Variants in ATP2B2 observed in about 807,000 individuals in gnomAD.
The protein encoded by ATP2B2 is plasma membrane calcium-transporting ATPase 2.
Under a neutral mutation model 120.0 loss-of-function variants are expected in ATP2B2, and 15 were observed. The ratio of observed to expected loss-of-function variants is 0.12; its 90% CI spans 0.08 to 0.19. ATP2B2 has a LOEUF of 0.19. Ranked by LOEUF, ATP2B2 falls within the 10% of genes least tolerant of loss-of-function variation. The probability of loss-of-function intolerance (pLI) is 1.00; values close to 1 mark genes in which losing one functional copy is unlikely to be tolerated. For synonymous variants in ATP2B2, 694 were observed against 700.3 expected (o/e 0.99, Z 0.14); for missense variants, 1,045 against 1,719.8 (o/e 0.61, Z 6.94).
intron 1 of ATP2B2, among the ~76,000 whole-genome samples, chr3:10,686,961 TG>T (rs1428137337): frequency 1.3e-5 from 2 of 152,216 alleles, no homozygotes; most frequent in African/African-American, 4.8e-5. Context: ...AAGAGGAGTC[TG>T]GGATATTAGA....
At chr3:10,633,102 C>T (rs552759837) in intron 1 of ATP2B2, among the ~76,000 whole-genome samples, 34 of 152,188 alleles carry the variant, frequency 2.2e-4, no homozygotes, top group Non-Finnish European at 4.9e-4. Context: ...GCCATGTGGG[C>T]CTGGGAGTGG....
chr3:10,346,191 T>TG lies in ATP2B2; in HGVS notation c.2405-55dup. On this transcript the variant is annotated intron_variant, in intron 16 of 22. Coordinates refer to ENST00000360273, the MANE Select transcript of ATP2B2 (RefSeq NM_001001331.4). The surrounding 1 kb of genome is among the most constrained non-coding windows in gnomAD (Gnocchi z 4.1). Reference sequence around the variant, plus strand: ...TGGGCCACTCAGGTGGGAGGCAGCCTGGGCCAGCCCTGGTCCTCGGGAGGG... The same window carrying TG: ...TGGGCCACTCAGGTGGGAGGCAGCCTGGGGCCAGCCCTGGTCCTCGGGAGGG... The TG allele has an allele frequency of 6.3e-7, 1 of 1,575,728 alleles. No homozygotes were observed. Among genetic ancestry groups the TG allele is most frequent in the Non-Finnish European group, 8.7e-7 (1 of 1,155,892 alleles).
intron 2 of ATP2B2, among the ~76,000 whole-genome samples, chr3:10,423,292 A>G (rs1006456148): frequency 6.6e-6 from 1 of 152,156 alleles, no homozygotes; most frequent in Non-Finnish European, 1.5e-5. Context: ...TCCGGTGGCC[A>G]GCCTCTCTTA....
At chr3:10,366,879 T>G (rs540151128) in intron 12 of ATP2B2, among the ~76,000 whole-genome samples, 2 of 152,314 alleles carry the variant, frequency 1.3e-5, no homozygotes, top group Non-Finnish European at 2.9e-5. Flanking sequence ...AATTTCTGAC[T>G]AAAAGATGAT....
chr3:10,695,608 T>A (rs1402357818), intron 1 of ATP2B2, among the ~76,000 whole-genome samples: 1 of 151,946 alleles, frequency 6.6e-6, no homozygotes, highest in East Asian at 1.9e-4. Flanking sequence ...ACAACTGAGG[T>A]CATCCCAGAC....
chr3:10,627,990 A>C (rs1344577402), intron 1 of ATP2B2, among the ~76,000 whole-genome samples: 1 of 152,262 alleles, frequency 6.6e-6, no homozygotes, highest in African/African-American at 2.4e-5. Context: ...GAAGCTATGC[A>C]GGTGGGGAGC....
chr3:10,491,136 A>G (rs867534117), intron 1 of ATP2B2, among the ~76,000 whole-genome samples: 6 of 151,526 alleles, frequency 4.0e-5, no homozygotes, highest in African/African-American at 1.5e-4. Flanking sequence ...CTACTGTGGC[A>G]CACCTTCCAC....
intron 3 of ATP2B2, among the ~76,000 whole-genome samples, chr3:10,519,960 G>A (rs1036428713): frequency 4.6e-5 from 7 of 152,318 alleles, no homozygotes; most frequent in African/African-American, 1.4e-4. Context: ...GGTGGGTGCA[G>A]GGACATCTGA....
intron 3 of ATP2B2, among the ~76,000 whole-genome samples, chr3:10,405,063 C>G (rs2062363484): frequency 6.6e-6 from 1 of 152,190 alleles, no homozygotes; most frequent in African/African-American, 2.4e-5. Flanking sequence ...TCAAGTCCAA[C>G]CTCTGCTGTG....
intron 1 of ATP2B2, among the ~76,000 whole-genome samples, chr3:10,691,103 A>T (rs1390220671): frequency 6.6e-6 from 1 of 152,226 alleles, no homozygotes; most frequent in African/African-American, 2.4e-5. Context: ...TTCTTTTAAA[A>T]CAGGAATGGA....
intron 12 of ATP2B2, among the ~76,000 whole-genome samples, chr3:10,369,951 G>C (rs2061177431): frequency 6.6e-6 from 1 of 152,180 alleles, no homozygotes; most frequent in South Asian, 2.1e-4. Context: ...AGGTATCTAT[G>C]ATGCCAGGGT....
Position 10,645,015 on chromosome 3 carries a change from A to C in ATP2B2, c.-459-25054T>G, listed in dbSNP as rs565615123. On this transcript the variant is annotated intron_variant, in intron 1 of 21. Coordinates refer to the ATP2B2 transcript ENST00000646379. ...TCTCTTCTTAGGTAATATACCATGA[A>C]GGATTTATGGGTTAAGGCGTATGTT... 1.8e-4 allele frequency among the ~76,000 whole-genome samples: 27 copies of C among 152,308 alleles called. No individual in the cohort carries two copies. In the East Asian group the frequency reaches 2.7e-3, roughly 15 times the overall value.
rs1575459948 is a variant in ATP2B2 at position 10,526,404 on chromosome 3, C to G, written c.-320+7635G>C. 2.0e-5 allele frequency among the ~76,000 whole-genome samples: 3 copies of G among 152,320 alleles called. No homozygotes were observed. The South Asian group carries it at 6.2e-4, about 32-fold the overall frequency. ...AAGGAGTTCCTTGGGGTGCAAGGAG[C>G]TTGAGGAGCTCTGCAGTTCCCTGAC... On this transcript the variant is annotated intron_variant, in intron 3 of 21. Transcript: ENST00000646379.
At chr3:10,478,919 G>A (rs1215419283) in intron 1 of ATP2B2, among the ~76,000 whole-genome samples, 1 of 152,068 alleles carries the variant, frequency 6.6e-6, no homozygotes, top group African/African-American at 2.4e-5. Flanking sequence ...TCATGATAGT[G>A]AGTGAGTTCT....
At chr3:10,585,761 A>G (rs1227553543) in intron 2 of ATP2B2, among the ~76,000 whole-genome samples, 2 of 152,082 alleles carry the variant, frequency 1.3e-5, no homozygotes, top group Non-Finnish European at 2.9e-5. Context: ...CTCCTCTGCC[A>G]AAGGCTTTCC....
chr3:10,490,716 CCAGAAAATCCTA>C (rs1281695710), intron 1 of ATP2B2, among the ~76,000 whole-genome samples: 1 of 152,092 alleles, frequency 6.6e-6, no homozygotes, highest in Non-Finnish European at 1.5e-5. Context: ...GCATTCTTAT[CCAGAAAATCCTA>C]CAGACTGGGA....
intron 2 of ATP2B2, among the ~76,000 whole-genome samples, chr3:10,422,463 G>T (rs1473022003): frequency 6.6e-6 from 1 of 152,196 alleles, no homozygotes; most frequent in Non-Finnish European, 1.5e-5. Flanking sequence ...TGATGGGCAA[G>T]GTGCAGGGTA....
At chr3:10,415,842 T>C (rs1329177711) in intron 2 of ATP2B2, among the ~76,000 whole-genome samples, 2 of 152,310 alleles carry the variant, frequency 1.3e-5, no homozygotes, top group East Asian at 3.9e-4. Context: ...ACAGATGCTA[T>C]GTGGGGTTGT....
intron 1 of ATP2B2, among the ~76,000 whole-genome samples, chr3:10,662,251 T>C (rs2125680801): frequency 6.6e-6 from 1 of 151,962 alleles, no homozygotes; most frequent in South Asian, 2.1e-4. Flanking sequence ...GGTATCTAAT[T>C]AAACTAAAGA....
Sources: allele counts gnomAD v4.1 joint callset (sites outside exome capture counted in the v4.1 genomes callset), GRCh38; gene constraint gnomAD v4.1.1; non-coding constraint Gnocchi (gnomAD v3.1); transcripts MANE v1.5; gene names NCBI Gene and HGNC (gene_info 2026-07-23, HGNC 2026-07-21).